MACROD2: variants seen among roughly 807,000 people sequenced by gnomAD.
MACROD2 encodes ADP-ribose glycohydrolase MACROD2.
MACROD2 carries 36 observed loss-of-function variants against 70.4 expected under a neutral mutation model. The ratio of observed to expected loss-of-function variants is 0.51; its 90% CI spans 0.39 to 0.68. The LOEUF is 0.68. Ranked by LOEUF, MACROD2 falls within the 30% of genes least tolerant of loss-of-function variation. MACROD2 has a pLI of 0.00. For synonymous variants in MACROD2, 172 were observed against 178.8 expected (o/e 0.96, Z 0.30); for missense variants, 496 against 538.4 (o/e 0.92, Z 0.78).
At chr20:14,415,248 A>G (rs1190765291) in intron 3 of MACROD2, among the ~76,000 whole-genome samples, 3 of 152,224 alleles carry the variant, frequency 2.0e-5, no homozygotes, top group African/African-American at 7.2e-5. Flanking sequence ...ACACCAAGGA[A>G]TGTACTATGA....
intron 4 of MACROD2, among the ~76,000 whole-genome samples, chr20:14,507,349 A>C (rs187630015): frequency 6.6e-6 from 1 of 152,170 alleles, no homozygotes; most frequent in Non-Finnish European, 1.5e-5. Context: ...AAAACAGCTG[A>C]AAAGTAGAAT....
chr20:15,686,469 A>G (rs2050226017), intron 8 of MACROD2, among the ~76,000 whole-genome samples: 1 of 152,140 alleles, frequency 6.6e-6, no homozygotes, highest in Non-Finnish European at 1.5e-5. Context: ...TAATATATCT[A>G]CCTATCTAGT....
intron 3 of MACROD2, among the ~76,000 whole-genome samples, chr20:14,160,817 T>C (rs754395709): frequency 5.3e-5 from 8 of 152,138 alleles, no homozygotes; most frequent in Non-Finnish European, 1.0e-4. Context: ...ATTATGTATT[T>C]GAAATCTTTA....
chr20:15,216,838 C>A (rs531907080), intron 5 of MACROD2, among the ~76,000 whole-genome samples: 1 of 152,178 alleles, frequency 6.6e-6, no homozygotes, highest in Non-Finnish European at 1.5e-5. Context: ...TCACCACAGT[C>A]TATCCTTTTT....
rs192968956 is a variant in MACROD2 at position 14,960,664 on chromosome 20, C to T, written c.419-269276C>T. Among the ~76,000 whole-genome samples the T allele has an allele frequency of 5.8e-3, 881 of 152,270 alleles. 5 individuals are homozygous for T. Among genetic ancestry groups the T allele is most frequent in the Non-Finnish European group, 0.01 (704 of 68,018 alleles). On this transcript the variant is annotated intron_variant, in intron 5 of 17. Transcript: ENST00000684519. ...TTAAAATCCTGTCATTATCTCCCCTCTGCTAACGAATTCAGGGGAAGAACA... is the reference window on the plus strand; with the variant it reads ...TTAAAATCCTGTCATTATCTCCCCTTTGCTAACGAATTCAGGGGAAGAACA...
chr20:14,384,737 T>G (rs1335512254), intron 3 of MACROD2, among the ~76,000 whole-genome samples: 1 of 151,968 alleles, frequency 6.6e-6, no homozygotes. Flanking sequence ...ATACTAGTAA[T>G]TCTTGTGCAA....
chr20:14,271,783 AC>A (rs2082198616), intron 3 of MACROD2, among the ~76,000 whole-genome samples: 1 of 152,172 alleles, frequency 6.6e-6, no homozygotes, highest in Non-Finnish European at 1.5e-5. Context: ...AATAACCAAT[AC>A]AGAGAAGTGC....
intron 3 of MACROD2, chr20:14,324,714 A>G (rs2082706726): frequency 6.6e-6 from 1 of 152,152 alleles, no homozygotes; most frequent in African/African-American, 2.4e-5. Flanking sequence ...TATAGGCAAA[A>G]CCAAAATGCA....
chr20:14,172,151 G>A (rs1476448064), intron 3 of MACROD2, among the ~76,000 whole-genome samples: 1 of 152,072 alleles, frequency 6.6e-6, no homozygotes, highest in Non-Finnish European at 1.5e-5. Context: ...TATAGGAATA[G>A]GTACTCCTGC....
At chr20:15,970,052 T>G (rs896419098) in intron 13 of MACROD2, among the ~76,000 whole-genome samples, 1 of 152,094 alleles carries the variant, frequency 6.6e-6, no homozygotes, top group African/African-American at 2.4e-5. Context: ...GAGCTGACTT[T>G]TCAATATGTA....
chr20:15,715,354 CA>C (rs558120097), intron 8 of MACROD2, among the ~76,000 whole-genome samples: 29 of 152,196 alleles, frequency 1.9e-4, no homozygotes, highest in Admixed American at 1.0e-3. Flanking sequence ...ATTTCTTTTG[CA>C]ACCCTGATCT....
Position 15,689,423 on chromosome 20 carries a change from G to T in MACROD2, c.646-173322G>T, listed in dbSNP as rs1020005475. Reference sequence around the variant, plus strand: ...AAGATAACAGATTTTCATAAGATCTGTGGGGGGAAAAACAGCATTGTGATT... The same window carrying T: ...AAGATAACAGATTTTCATAAGATCTTTGGGGGGAAAAACAGCATTGTGATT... On this transcript the variant is annotated intron_variant, in intron 8 of 17. Transcript: ENST00000684519. Among the ~76,000 whole-genome samples, 4 of 152,248 alleles carry T rather than the reference G, an allele frequency of 2.6e-5. No individual in the cohort carries two copies. The South Asian group carries it at 6.2e-4, about 24-fold the overall frequency.
rs774348208 is a variant in MACROD2, at chr20:14,317,219, C to T, written c.272-176260C>T. 9.9e-5 allele frequency among the ~76,000 whole-genome samples: 15 copies of T among 152,282 alleles called. No homozygotes were observed. The South Asian group carries it at 1.0e-3, about 11-fold the overall frequency. On this transcript the variant is annotated intron_variant, in intron 3 of 17. Transcript: ENST00000684519. The stretch of plus-strand genomic sequence containing the variant: ...GGGTCTTAGGCTTTCTCTTACCACC[C>T]AATCTAAGTAGGTTCTCTTGTTATG...
intron 2 of MACROD2, among the ~76,000 whole-genome samples, chr20:14,033,452 T>C (rs2148633500): frequency 6.6e-6 from 1 of 152,178 alleles, no homozygotes; most frequent in South Asian, 2.1e-4. Flanking sequence ...TTCTATTCTA[T>C]TCATAGAATA....
chr20:16,036,786 A>G (rs1173197504), intron 15 of MACROD2, among the ~76,000 whole-genome samples: 1 of 151,964 alleles, frequency 6.6e-6, no homozygotes, highest in Non-Finnish European at 1.5e-5. Flanking sequence ...CACTTTCCAA[A>G]CAAACAACTC....
At chr20:15,296,754 G>A (rs1178320513) in intron 6 of MACROD2, among the ~76,000 whole-genome samples, 1 of 152,026 alleles carries the variant, frequency 6.6e-6, no homozygotes, top group African/African-American at 2.4e-5. Context: ...TATCTCATTT[G>A]CCTTTTTCTA....
At chr20:15,119,176 T>C (rs1194595258) in intron 5 of MACROD2, among the ~76,000 whole-genome samples, 1 of 152,204 alleles carries the variant, frequency 6.6e-6, no homozygotes, top group African/African-American at 2.4e-5. Flanking sequence ...CCCATAGAGA[T>C]TGATACTTCA....
At chr20:14,004,028 C>G (rs923434458) in intron 2 of MACROD2, among the ~76,000 whole-genome samples, 1 of 152,124 alleles carries the variant, frequency 6.6e-6, no homozygotes, top group Non-Finnish European at 1.5e-5. Context: ...TATCCCTTAT[C>G]CAAAATGCAC....
Position 15,666,367 on chromosome 20 carries a change from T to G in MACROD2, c.645+166520T>G, listed in dbSNP as rs932820364. ...TGTGATCCAATCTTCCCCCTTTAGC[T>G]CAGCTTTACCCTTCAGCAGCCTGCC... On this transcript the variant is annotated intron_variant, in intron 8 of 17. Transcript: ENST00000684519. Among the ~76,000 whole-genome samples, 9 of 152,216 alleles carry G rather than the reference T, an allele frequency of 5.9e-5. No individual in the cohort carries two copies. The East Asian group carries it at 1.2e-3, about 20-fold the overall frequency.
Sources: allele counts gnomAD v4.1 joint callset (sites outside exome capture counted in the v4.1 genomes callset), GRCh38; gene constraint gnomAD v4.1.1; transcripts MANE v1.5; gene names NCBI Gene and HGNC (gene_info 2026-07-23, HGNC 2026-07-21).